The following TOMM20 variants were observed in gnomAD, a reference collection of about 807,000 sequenced individuals.
The protein encoded by TOMM20 is mitochondrial import receptor subunit TOM20 homolog.
TOMM20 carries 10 observed loss-of-function variants against 22.1 expected under a neutral mutation model. The observed-to-expected ratio is 0.45, with a 90% CI of 0.28 to 0.77. The LOEUF (loss-of-function observed/expected upper bound fraction) is 0.77, where lower values mean the gene tolerates loss of function less well. TOMM20 is among the 30% of genes least tolerant of loss of function. TOMM20 has a pLI of 0.13. For missense variants in TOMM20, 121 were observed against 172.2 expected, an observed-to-expected ratio of 0.70 and a Z score of 1.66; for synonymous variants, 55 against 61.4, an observed-to-expected ratio of 0.90 and a Z score of 0.49.
intron 2 of TOMM20, among the ~76,000 whole-genome samples, chr1:235,121,351 T>C (rs938600117): frequency 6.6e-6 from 1 of 152,216 alleles, no homozygotes; most frequent in African/African-American, 2.4e-5. Flanking sequence ...CCCCAGCATG[T>C]AGCAATAATT....
intron 1 of TOMM20, 155 bp from the exon 2 acceptor site, chr1:235,122,527 TGTTCTG>T (rs1263969001): frequency 3.3e-6 from 2 of 600,802 alleles, no homozygotes; most frequent in Non-Finnish European, 5.6e-6. Context: ...GCATATGACA[TGTTCTG>T]GTCAATGAGC....
At chr1:235,119,028 A>G (rs1274679054) in intron 3 of TOMM20, among the ~76,000 whole-genome samples, 1 of 152,230 alleles carries the variant, frequency 6.6e-6, no homozygotes, top group Admixed American at 6.5e-5. Context: ...TTCACACACA[A>G]ATGCCCCACA....
intron 1 of TOMM20, 65 bp from the exon 2 acceptor site, chr1:235,122,437 A>G: frequency 1.4e-6 from 2 of 1,454,326 alleles, no homozygotes; most frequent in East Asian, 2.3e-5. Context: ...AAAGAATTCT[A>G]ACTGCTGTGG....
At chr1:235,125,819 G>A (rs990077144) in intron 1 of TOMM20, among the ~76,000 whole-genome samples, 4 of 148,408 alleles carry the variant, frequency 2.7e-5, no homozygotes, top group East Asian at 4.1e-4. Context: ...GCGCCATCTC[G>A]GCTCACTGCA....
At chr1:235,123,543 T>C (rs1317139326) in intron 1 of TOMM20, among the ~76,000 whole-genome samples, 1 of 152,158 alleles carries the variant, frequency 6.6e-6, no homozygotes, top group Non-Finnish European at 1.5e-5. Context: ...CAAGGTACCT[T>C]TTCTTAGTCA....
intron 1 of TOMM20, among the ~76,000 whole-genome samples, chr1:235,126,408 A>G (rs1159540475): frequency 6.6e-6 from 1 of 152,014 alleles, no homozygotes; most frequent in Admixed American, 6.6e-5. Context: ...TGAGATTACT[A>G]GCGTTGAGCC....
In TOMM20 at chr1:235,125,765, A is replaced by G. The variant is rs542511157; in HGVS notation, c.121+2830T>C. Reference sequence around the variant, plus strand: ...CACTTTTTTTTTTTTTTTGAGACCGAGTCTCGCTCTGTCCCCGCTCTGTCC... The same window carrying G: ...CACTTTTTTTTTTTTTTTGAGACCGGGTCTCGCTCTGTCCCCGCTCTGTCC... On this transcript the variant is annotated intron_variant, in intron 1 of 4. Coordinates refer to ENST00000366607, the MANE Select transcript of TOMM20 (RefSeq NM_014765.3). Among the ~76,000 whole-genome samples, 156 of 149,904 alleles carry G rather than the reference A, an allele frequency of 1.0e-3. 1 individual carries two copies. Among genetic ancestry groups the G allele is most frequent in the African/African-American group, 3.8e-3 (155 of 40,696 alleles).
chr1:235,113,987 CA>C, intron 3 of TOMM20, 77 bp from the exon 4 acceptor site: 3 of 1,465,134 alleles, frequency 2.0e-6, no homozygotes, highest in East Asian at 2.3e-5. Context: ...ACACTATCTC[CA>C]AATGATGCTG....
At chr1:235,119,162 C>T (rs937696231) in intron 3 of TOMM20, among the ~76,000 whole-genome samples, 1 of 152,134 alleles carries the variant, frequency 6.6e-6, no homozygotes, top group Admixed American at 6.5e-5. Flanking sequence ...GAGTAAATTA[C>T]GGTTCTCACG....
Position 235,119,916 on chromosome 1 carries a change from TAATA to T in TOMM20, c.169-21_169-18del, listed in dbSNP as rs376342695. On this transcript the variant is annotated intron_variant, in intron 2 of 4. Coordinates refer to ENST00000366607, the MANE Select transcript of TOMM20 (RefSeq NM_014765.3). ...GTCAGGTAACTGGAAATAAAATATT[TAATA>T]AATGACACCACAATTATGCCAGGGG... The T allele has an allele frequency of 5.9e-4, 925 of 1,567,024 alleles. 6 individuals carry two copies. In the African/African-American group the frequency reaches 0.011, roughly 19 times the overall value.
At chr1:235,115,384 C>CT (rs1329949747) in intron 3 of TOMM20, among the ~76,000 whole-genome samples, 1 of 152,086 alleles carries the variant, frequency 6.6e-6, no homozygotes, top group African/African-American at 2.4e-5. Context: ...AATCCTAGCA[C>CT]TTTGGGAGGC....
chr1:235,117,751 T>G (rs540774419), intron 3 of TOMM20, among the ~76,000 whole-genome samples: 1 of 152,338 alleles, frequency 6.6e-6, no homozygotes, highest in East Asian at 1.9e-4. Context: ...GGGTATCTGA[T>G]GGCACCTGAG....
intron 1 of TOMM20, among the ~76,000 whole-genome samples, chr1:235,122,976 A>G (rs1435530728): frequency 6.6e-6 from 1 of 152,200 alleles, no homozygotes; most frequent in East Asian, 1.9e-4. Context: ...TACCAATGAC[A>G]TAGAGAGTAA....
intron 3 of TOMM20, among the ~76,000 whole-genome samples, 178 bp downstream of exon 3, chr1:235,119,640 C>T (rs1660896935): frequency 6.6e-6 from 1 of 152,202 alleles, no homozygotes; most frequent in Non-Finnish European, 1.5e-5. Flanking sequence ...ATATTTCTTT[C>T]TAGAGCCAGT....
intron 1 of TOMM20, among the ~76,000 whole-genome samples, chr1:235,126,124 G>GACACACAC: frequency 6.7e-6 from 1 of 148,914 alleles, no homozygotes; most frequent in East Asian, 2.0e-4. Context: ...TATATATAAA[G>GACACACAC]ACACACACAC....
rs1572134410 is a variant in TOMM20, at chr1:235,128,823, C to T, written c.-108G>A. 1 of 1,542,414 alleles carries T rather than the reference C, an allele frequency of 6.5e-7. No individual in the cohort carries two copies. Among genetic ancestry groups the T allele is most frequent in the Admixed American group, 1.9e-5 (1 of 52,030 alleles). The stretch of plus-strand genomic sequence containing the variant: ...CAGCTCACACCCGACGGCCGCGGGC[C>T]AGGAACACAGAAAGGCCGAGCACAC... On this transcript the variant is annotated 5_prime_UTR_variant, in exon 1 of 5. Transcript: ENST00000366607.
chr1:235,125,188 A>G (rs1441287088), intron 1 of TOMM20, among the ~76,000 whole-genome samples: 6 of 151,744 alleles, frequency 4.0e-5, no homozygotes, highest in Non-Finnish European at 8.8e-5. Context: ...CTCATTTTAA[A>G]CAATATAAGG....
chr1:235,122,346 C>T lies in TOMM20; in HGVS notation c.148G>A (p.Glu50Lys), dbSNP rs1660943708. The T allele has an allele frequency of 1.9e-6, 3 of 1,567,942 alleles. No homozygotes were observed. The highest frequency in any genetic ancestry group is 2.6e-6 in the Non-Finnish European group (3 of 1,159,404). ...ERRKKQKLAK[E>K]RAGLSKLPDL... is the part of the protein sequence containing the mutation. The stretch of plus-strand genomic sequence containing the variant: ...ATTACCTTGGAAAGCCCAGCTCTCT[C>T]CTTGGCAAGCTTCTGTTTCTTTCTT... The change falls in exon 2 of 5, where the codon GAG (glutamate) becomes AAG (lysine). Residue 50 changes from glutamate (E) to lysine (K), a missense_variant. By Grantham distance (56) the Glu-to-Lys change is moderately conservative (BLOSUM62 1). Coordinates refer to ENST00000366607, the MANE Select transcript of TOMM20 (RefSeq NM_014765.3).
At chr1:235,112,529 C>G (rs7527577) in intron 4 of TOMM20, among the ~76,000 whole-genome samples, 26,352 of 151,778 alleles carry the variant, frequency 0.17, 2,569 homozygotes, top group Middle Eastern at 0.25. Flanking sequence ...ATTTTTGGTG[C>G]AGACAGGGTT....
Sources: allele counts gnomAD v4.1 joint callset (sites outside exome capture counted in the v4.1 genomes callset), GRCh38; gene constraint gnomAD v4.1.1; transcripts MANE v1.5; gene names NCBI Gene and HGNC (gene_info 2026-07-23, HGNC 2026-07-21).